FAT3: variants seen among roughly 807,000 people sequenced by gnomAD.
FAT3 encodes the protein protocadherin Fat 3.
A neutral mutation model predicts 310.2 loss-of-function variants in FAT3; 95 were observed. The ratio of observed to expected loss-of-function variants is 0.31; its 90% CI spans 0.26 to 0.36. The LOEUF is 0.36. Among genes scored for constraint, FAT3 ranks in the 10% least tolerant of loss-of-function variants. The pLI is 1.00. For synonymous variants in FAT3, 2,314 were observed against 2,192.9 expected (o/e 1.06, Z -1.54); for missense variants, 5,408 against 5,715.6 (o/e 0.95, Z 1.74).
intron 4 of FAT3, among the ~76,000 whole-genome samples, chr11:92,709,971 A>T (rs1944471361): frequency 6.6e-6 from 1 of 152,186 alleles, no homozygotes; most frequent in Non-Finnish European, 1.5e-5. Context: ...AATTCCTGGC[A>T]TGCCACTCTA....
At position 92,606,336 on chromosome 11, in the gene FAT3, A is replaced by C. The variant is rs369196595; in HGVS notation, c.3607+81388A>C. On this transcript the variant is annotated intron_variant, in intron 3 of 27. Coordinates refer to ENST00000525166, the MANE Select transcript of FAT3 (RefSeq NM_001367949.2). The stretch of plus-strand genomic sequence containing the variant: ...CATCCCTTCCAGGTTGTTGGTTTGC[A>C]AGCATCCCTCCTTCTGCCTGAAGGA... Among the ~76,000 whole-genome samples the C allele has an allele frequency of 1.7e-4, 26 of 152,274 alleles. 1 individual carries two copies. In the East Asian group the frequency reaches 2.1e-3, roughly 12 times the overall value.
At chr11:92,252,579 T>G (rs2134281393) in intron 1 of FAT3, among the ~76,000 whole-genome samples, 1 of 152,272 alleles carries the variant, frequency 6.6e-6, no homozygotes, top group East Asian at 1.9e-4. Flanking sequence ...CTCAAAGAAT[T>G]TACTTGGCTG....
chr11:92,836,913 A>T (rs1948423596), intron 16 of FAT3, among the ~76,000 whole-genome samples: 1 of 152,196 alleles, frequency 6.6e-6, no homozygotes, highest in African/African-American at 2.4e-5. Flanking sequence ...GAGGTTTTAA[A>T]GAAAAGATAA....
At chr11:92,833,399 G>T (rs1289873813) in intron 14 of FAT3, among the ~76,000 whole-genome samples, 2 of 152,122 alleles carry the variant, frequency 1.3e-5, no homozygotes, top group South Asian at 4.1e-4. Context: ...ATATAAACAA[G>T]AAATCATTAT....
chr11:92,708,920 G>A (rs1259399432), intron 4 of FAT3, among the ~76,000 whole-genome samples: 1 of 152,176 alleles, frequency 6.6e-6, no homozygotes, highest in Non-Finnish European at 1.5e-5. Context: ...TCAACCGTGG[G>A]TCTGGCATGG....
chr11:92,607,951 T>A (rs1940381237), intron 3 of FAT3, among the ~76,000 whole-genome samples: 1 of 152,120 alleles, frequency 6.6e-6, no homozygotes. Context: ...CTACCTAAAT[T>A]TCCTTAGATT....
intron 4 of FAT3, among the ~76,000 whole-genome samples, chr11:92,721,714 G>A (rs772558111): frequency 4.6e-5 from 7 of 152,112 alleles, no homozygotes; most frequent in Non-Finnish European, 1.0e-4. Context: ...ACATAACTGA[G>A]ACTGGGCAAT....
rs765379703 is a variant in FAT3, at chr11:92,353,936, T to C, written c.1824T>C (p.Leu608=). ...TAVSAIDIDE[L]ELVKYKIISG... ...TCTCAGCGATCGATATCGATGAACTTGAACTTGTAAAGTACAAAATCATTT... is the reference window on the plus strand; with the variant it reads ...TCTCAGCGATCGATATCGATGAACTCGAACTTGTAAAGTACAAAATCATTT... Residue 608 remains leucine (L), a synonymous_variant, in exon 2 of 28, where the codon CTT becomes CTC. Coordinates refer to ENST00000525166, the MANE Select transcript of FAT3 (RefSeq NM_001367949.2). 8 of 1,611,792 alleles carry C rather than the reference T, an allele frequency of 5.0e-6. No individual in the cohort carries two copies. The highest frequency in any genetic ancestry group is 6.8e-6 in the Non-Finnish European group (8 of 1,178,194).
At chr11:92,678,306 G>A (rs1040012260) in intron 3 of FAT3, among the ~76,000 whole-genome samples, 5 of 152,188 alleles carry the variant, frequency 3.3e-5, no homozygotes, top group Admixed American at 6.5e-5. Context: ...TTTCATCTGG[G>A]AGGCAGTGCA....
chr11:92,851,843 C>T (rs551341704), intron 19 of FAT3, among the ~76,000 whole-genome samples: 1 of 152,326 alleles, frequency 6.6e-6, no homozygotes, highest in African/African-American at 2.4e-5. Context: ...CAGAAGCCAG[C>T]AGGAGTTGAT....
At chr11:92,467,339 C>T (rs561560048) in intron 2 of FAT3, among the ~76,000 whole-genome samples, 15 of 152,304 alleles carry the variant, frequency 9.8e-5, no homozygotes, top group African/African-American at 3.1e-4. Flanking sequence ...TGATGGTGAG[C>T]ATTTTTTCAT....
At chr11:92,859,132 A>AAT in intron 20 of FAT3, 33 bp from the exon 21 acceptor site, 1 of 1,590,202 alleles carries the variant, frequency 6.3e-7, no homozygotes, top group Non-Finnish European at 8.6e-7. Flanking sequence ...GGATGTTAAA[A>AAT]ATATATATGT....
chr11:92,335,082 A>C (rs1472657629), intron 1 of FAT3, among the ~76,000 whole-genome samples: 1 of 152,204 alleles, frequency 6.6e-6, no homozygotes, highest in East Asian at 1.9e-4. Context: ...AACATTAGAC[A>C]TGAAACCATC....
At chr11:92,838,465 C>T (rs1012522615) in intron 17 of FAT3, among the ~76,000 whole-genome samples, 2 of 152,114 alleles carry the variant, frequency 1.3e-5, no homozygotes, top group African/African-American at 4.8e-5. Flanking sequence ...TTTTATTCCA[C>T]GGGCACAGTG....
chr11:92,696,054 C>G (rs1417019568), intron 3 of FAT3, among the ~76,000 whole-genome samples: 1 of 152,058 alleles, frequency 6.6e-6, no homozygotes, highest in East Asian at 1.9e-4. Flanking sequence ...TGTTAATTCA[C>G]TTGATTTAAT....
chr11:92,332,616 A>T (rs961209894), intron 1 of FAT3, among the ~76,000 whole-genome samples: 5 of 151,882 alleles, frequency 3.3e-5, no homozygotes, highest in Non-Finnish European at 7.4e-5. Flanking sequence ...GAAACTAAAA[A>T]CCCATGACTG....
At position 92,632,576 on chromosome 11, in the gene FAT3, G is replaced by A. The variant is rs146908185; in HGVS notation, c.3608-64808G>A. Reference sequence around the variant, plus strand: ...AGTCACTTCTCTTCTGCAGGCAGAAGGTGAGGCCTCCTTGGGGCCAGGTCC... The same window carrying A: ...AGTCACTTCTCTTCTGCAGGCAGAAAGTGAGGCCTCCTTGGGGCCAGGTCC... On this transcript the variant is annotated intron_variant, in intron 3 of 27. Coordinates refer to ENST00000525166, the MANE Select transcript of FAT3 (RefSeq NM_001367949.2). 2.2e-4 allele frequency among the ~76,000 whole-genome samples: 34 copies of A among 152,356 alleles called. No homozygotes were observed. The East Asian group carries it at 6.4e-3, about 29-fold the overall frequency.
intron 3 of FAT3, among the ~76,000 whole-genome samples, chr11:92,556,869 C>T (rs535791): frequency 0.38 from 57,808 of 151,892 alleles, 11,913 homozygotes; most frequent in Middle Eastern, 0.53. Context: ...TAAAATGTAA[C>T]GTACCATTTA....
chr11:92,353,471 T>C lies in FAT3; in HGVS notation c.1359T>C (p.Asp453=), dbSNP rs763939122. 1.1e-5 allele frequency: 17 copies of C among 1,613,226 alleles called. No individual in the cohort carries two copies. The highest frequency in any genetic ancestry group is 1.4e-5 in the Non-Finnish European group (17 of 1,179,700). ...TGGAGGTGACAAACAAGGAAGGAGA[T>C]TTAAAAGCACAGGTCACCATCAGCA... The part of the protein sequence containing the change: ...YKLEVTNKEG[D]LKAQVTISIE... The change falls in exon 2 of 28, where the codon GAT becomes GAC. Residue 453 remains aspartate (D), a synonymous_variant. Coordinates refer to ENST00000525166, the MANE Select transcript of FAT3 (RefSeq NM_001367949.2).
Sources: gnomAD v4.1 joint callset for allele counts (sites outside exome capture counted in the v4.1 genomes callset) on GRCh38, gnomAD v4.1.1 for gene constraint, MANE v1.5 for transcripts, NCBI Gene and HGNC (gene_info 2026-07-23, HGNC 2026-07-21) for gene names.